The following PHF21B variants were observed in gnomAD, a reference collection of about 807,000 sequenced individuals.
PHF21B encodes the protein PHD finger protein 21B, also known as PHD finger protein 4.
A neutral mutation model predicts 62.2 loss-of-function variants in PHF21B; 22 were observed. That is an observed-to-expected ratio of 0.35 (90% CI 0.25 to 0.51). PHF21B has a LOEUF of 0.51. PHF21B is among the 20% of genes least tolerant of loss of function. PHF21B has a pLI of 0.97. For synonymous variants in PHF21B, 341 were observed against 314.7 expected, an observed-to-expected ratio of 1.08 and a Z score of -0.88; for missense variants, 701 against 707.9, an observed-to-expected ratio of 0.99 and a Z score of 0.11.
intron 2 of PHF21B, among the ~76,000 whole-genome samples, chr22:45,004,096 A>G (rs370890614): frequency 6.0e-4 from 91 of 152,130 alleles, no homozygotes; most frequent in African/African-American, 1.9e-3. Flanking sequence ...GAAAGGGGAG[A>G]GGGGAAGTGA....
intron 2 of PHF21B, among the ~76,000 whole-genome samples, chr22:44,930,081 G>A (rs907082610): frequency 6.6e-6 from 1 of 152,252 alleles, no homozygotes; most frequent in Non-Finnish European, 1.5e-5. Context: ...CACCAAGAGT[G>A]TGGAAGACAC....
chr22:44,993,234 C>T (rs2073069454), intron 2 of PHF21B, among the ~76,000 whole-genome samples: 1 of 152,202 alleles, frequency 6.6e-6, no homozygotes, highest in Admixed American at 6.5e-5. Context: ...ATACAGACAA[C>T]ACAGAGACAC....
intron 2 of PHF21B, among the ~76,000 whole-genome samples, chr22:44,920,962 G>A (rs1310219866): frequency 6.6e-6 from 1 of 152,200 alleles, no homozygotes; most frequent in African/African-American, 2.4e-5. Context: ...AAACAATGCT[G>A]CAGCGAACAT....
intron 12 of PHF21B, among the ~76,000 whole-genome samples, chr22:44,883,713 C>T (rs1256764351): frequency 6.6e-6 from 1 of 152,158 alleles, no homozygotes; most frequent in African/African-American, 2.4e-5. Context: ...CACTGTCTCT[C>T]TACGCACCAC....
At chr22:44,890,372 A>G (rs532362372) in intron 8 of PHF21B, among the ~76,000 whole-genome samples, 5 of 152,342 alleles carry the variant, frequency 3.3e-5, no homozygotes, top group Non-Finnish European at 7.4e-5. Flanking sequence ...GCAAACATAT[A>G]TATCTTTCAG....
At chr22:44,903,940 G>T (rs985732108) in intron 5 of PHF21B, among the ~76,000 whole-genome samples, 2 of 151,984 alleles carry the variant, frequency 1.3e-5, no homozygotes, top group Admixed American at 1.3e-4. Flanking sequence ...CATTTATTAT[G>T]GTTACTGAGT....
intron 2 of PHF21B, among the ~76,000 whole-genome samples, chr22:44,948,007 G>GACCC (rs2072111996): frequency 6.6e-6 from 1 of 152,010 alleles, no homozygotes; most frequent in South Asian, 2.1e-4. Context: ...CCCCGCTGTT[G>GACCC]TCCCTCCTCC....
chr22:44,961,105 C>T (rs936897279), intron 2 of PHF21B, among the ~76,000 whole-genome samples: 7 of 151,564 alleles, frequency 4.6e-5, no homozygotes, highest in African/African-American at 9.7e-5. Flanking sequence ...TACAGGTACG[C>T]GCCACCACAC....
intron 2 of PHF21B, among the ~76,000 whole-genome samples, chr22:44,956,610 C>T (rs1040472896): frequency 9.9e-5 from 15 of 151,982 alleles, no homozygotes; most frequent in African/African-American, 1.5e-4. Flanking sequence ...GCTTCCTTCA[C>T]GAGGCGGCTG....
Position 44,916,401 on chromosome 22 carries a change from AC to A in PHF21B, c.442del (p.Val148TrpfsTer136). On this transcript the variant is annotated frameshift_variant, in exon 4 of 13. Transcript: ENST00000313237. LOFTEE classifies it high-confidence loss of function. ...GGAGGTGGAGATGATGGCGTAGGCC[AC>A]CCCCGCACTGCTCAGCGGAGAGGCG... ...ALASPLSSAGVAYAIISTSPS... is the reference protein window; with the variant it reads ...ALASPLSSAGXAYAIISTSPS... 1 of 1,581,652 alleles carries A rather than the reference AC, an allele frequency of 6.3e-7. No individual in the cohort carries two copies.
At chr22:44,888,332 C>T (rs2070897305) in intron 9 of PHF21B, among the ~76,000 whole-genome samples, 1 of 152,182 alleles carries the variant, frequency 6.6e-6, no homozygotes, top group South Asian at 2.1e-4. Flanking sequence ...GGGGGGCACC[C>T]ACAGGGCCAG....
intron 2 of PHF21B, among the ~76,000 whole-genome samples, chr22:44,981,624 G>A (rs1021742558): frequency 2.6e-5 from 4 of 152,244 alleles, no homozygotes; most frequent in African/African-American, 9.6e-5. Flanking sequence ...CATCAGTGAA[G>A]AGTGGACCTG....
Position 44,888,010 on chromosome 22 carries a change from T to C in PHF21B, c.1150A>G (p.Lys384Glu), listed in dbSNP as rs555524888. ...YHLSCLEPPL[K>E]TAPKGVWVCP... ...ACCCACACGCCCTTGGGCGCCGTCT[T>C]GAGGGGCGGCTCCAGGCAGCTGAGG... Residue 384 changes from lysine (K) to glutamate (E), a missense_variant, in exon 10 of 13, where the codon AAG becomes GAG. Lys to Glu is a moderately conservative substitution (Grantham distance 56). Transcript: ENST00000313237. The C allele has an allele frequency of 1.3e-6, 2 of 1,572,082 alleles. No homozygotes were observed. Among genetic ancestry groups the C allele is most frequent in the African/African-American group, 1.3e-5 (1 of 74,558 alleles).
At chr22:44,987,667 G>A (rs945075443) in intron 2 of PHF21B, among the ~76,000 whole-genome samples, 1 of 151,864 alleles carries the variant, frequency 6.6e-6, no homozygotes, top group South Asian at 2.1e-4. Flanking sequence ...ATTACATCCG[G>A]ACCCCAGCTG....
At chr22:45,000,220 G>C (rs917117819) in intron 2 of PHF21B, among the ~76,000 whole-genome samples, 4 of 152,080 alleles carry the variant, frequency 2.6e-5, no homozygotes, top group Non-Finnish European at 5.9e-5. Context: ...AACAGTACTC[G>C]GGAGGGAAAT....
chr22:44,936,210 T>C (rs1176450258), intron 2 of PHF21B, among the ~76,000 whole-genome samples: 3 of 152,200 alleles, frequency 2.0e-5, no homozygotes, highest in Admixed American at 6.5e-5. Flanking sequence ...GGAACGGGGC[T>C]GTGGGGTCCG....
intron 2 of PHF21B, among the ~76,000 whole-genome samples, chr22:44,964,808 C>T (rs370232282): frequency 6.6e-6 from 1 of 152,322 alleles, no homozygotes; most frequent in East Asian, 1.9e-4. Flanking sequence ...CCTGACCTCC[C>T]GGAGACTCAC....
At chr22:44,906,332 G>T (rs552199545) in intron 5 of PHF21B, among the ~76,000 whole-genome samples, 1 of 152,286 alleles carries the variant, frequency 6.6e-6, no homozygotes, top group Non-Finnish European at 1.5e-5. Context: ...TTTGCAGGGC[G>T]AATAGACAGG....
intron 2 of PHF21B, among the ~76,000 whole-genome samples, chr22:44,967,728 C>T (rs1204162561): frequency 6.6e-6 from 1 of 152,194 alleles, no homozygotes; most frequent in Non-Finnish European, 1.5e-5. Context: ...TGTGTTCAGG[C>T]TTCCTTTGTT....
Sources: gnomAD v4.1 joint callset for allele counts (sites outside exome capture counted in the v4.1 genomes callset) on GRCh38, gnomAD v4.1.1 for gene constraint, MANE v1.5 for transcripts, NCBI Gene and HGNC (gene_info 2026-07-23, HGNC 2026-07-21) for gene names.